The following ZSCAN5A variants were observed in gnomAD, a reference collection of about 807,000 sequenced individuals.
ZSCAN5A encodes the protein zinc finger and SCAN domain-containing protein 5A.
A neutral mutation model predicts 23.7 loss-of-function variants in ZSCAN5A; 12 were observed. The ratio of observed to expected loss-of-function variants is 0.51; its 90% CI spans 0.32 to 0.82. The LOEUF (loss-of-function observed/expected upper bound fraction) is 0.82. Ranked by LOEUF, ZSCAN5A falls within the 40% of genes least tolerant of loss-of-function variation. The probability of loss-of-function intolerance (pLI) is 0.03; values close to 1 mark genes in which losing one functional copy is unlikely to be tolerated. For synonymous variants in ZSCAN5A, 257 were observed against 239.9 expected (o/e 1.07, Z -0.66); for missense variants, 597 against 617.9 (o/e 0.97, Z 0.36).
chr19:56,290,802 C>T (rs2039460424), intron 2 of ZSCAN5A, among the ~76,000 whole-genome samples: 1 of 152,236 alleles, frequency 6.6e-6, no homozygotes, highest in Non-Finnish European at 1.5e-5. Flanking sequence ...CTCTTCTCCA[C>T]ACTGACTCCC....
chr19:56,304,867 T>C, intron 2 of ZSCAN5A: 3 of 888,120 alleles, frequency 3.4e-6, no homozygotes, highest in Non-Finnish European at 4.0e-6. Context: ...TTCCCACCGC[T>C]GGGGTGGGGT....
intron 2 of ZSCAN5A, chr19:56,244,087 C>A: frequency 2.2e-6 from 3 of 1,347,508 alleles, no homozygotes; most frequent in Non-Finnish European, 2.1e-6. Flanking sequence ...GAGGACCCTG[C>A]AACAGCCCTG....
At chr19:56,306,232 G>A (rs936870101) in intron 2 of ZSCAN5A, among the ~76,000 whole-genome samples, 1 of 152,176 alleles carries the variant, frequency 6.6e-6, no homozygotes, top group Non-Finnish European at 1.5e-5. Flanking sequence ...GAGAAAGTAC[G>A]AAAGACAGAT....
At chr19:56,350,563 C>T (rs11671109) in intron 2 of ZSCAN5A, among the ~76,000 whole-genome samples, 11,099 of 152,222 alleles carry the variant, frequency 0.073, 478 homozygotes, top group Middle Eastern at 0.18. Flanking sequence ...TATTCTCTAA[C>T]GGCAGATTAA....
chr19:56,247,492 G>C (rs898242399), intron 2 of ZSCAN5A: 2 of 161,956 alleles, frequency 1.2e-5, no homozygotes, highest in African/African-American at 4.8e-5. Flanking sequence ...AGAATGTGAA[G>C]GATGATTTTT....
At chr19:56,267,874 T>C (rs1406170736) in intron 2 of ZSCAN5A, among the ~76,000 whole-genome samples, 1 of 152,224 alleles carries the variant, frequency 6.6e-6, no homozygotes, top group East Asian at 1.9e-4. Context: ...ACTGTTGCTA[T>C]GACACCTCCA....
chr19:56,315,914 C>T (rs1280748873), upstream of ZSCAN5A: 1 of 152,200 alleles, frequency 6.6e-6, no homozygotes, highest in African/African-American at 2.4e-5. Context: ...CCATTCTTAC[C>T]TTTTCTTTGG....
chr19:56,355,134 T>C (rs1190020442), intron 2 of ZSCAN5A, among the ~76,000 whole-genome samples: 1 of 124,694 alleles, frequency 8.0e-6, no homozygotes, highest in Non-Finnish European at 1.7e-5. Flanking sequence ...TGGGGCATTT[T>C]GTTCCCAATT....
chr19:56,314,697 C>G lies in ZSCAN5A; in HGVS notation c.-246G>C, dbSNP rs2041259933. The stretch of plus-strand genomic sequence containing the variant: ...AGTCGTTACCATGGTGACCGCGACA[C>G]ACTCAGAAACGTCTACTAGTGACGG... On this transcript the variant is annotated 5_prime_UTR_variant, in exon 1 of 6. Coordinates refer to ENST00000683990, the MANE Select transcript of ZSCAN5A (RefSeq NM_001322064.3). 1 of 152,316 alleles carries G rather than the reference C, an allele frequency of 6.6e-6. No homozygotes were observed. The highest frequency in any genetic ancestry group is 2.1e-4 in the South Asian group (1 of 4,840). 9.4% of individuals were successfully genotyped at this position (152,316 alleles called of 1,614,324 possible). A position where few individuals can be genotyped will look rare whatever the true frequency, so the allele number is the denominator to read the frequency against.
chr19:56,322,773 T>TA (rs2041390148), intron 2 of ZSCAN5A, among the ~76,000 whole-genome samples: 1 of 152,200 alleles, frequency 6.6e-6, no homozygotes, highest in Non-Finnish European at 1.5e-5. Flanking sequence ...ACCTAGCACT[T>TA]ACTCCTGTAT....
At chr19:56,320,051 T>G in intron 2 of ZSCAN5A, 1 of 795,764 alleles carries the variant, frequency 1.3e-6, no homozygotes, top group Non-Finnish European at 2.3e-6. Context: ...CTGGTCTGCA[T>G]CAGACTTACA....
chr19:56,361,914 T>G (rs1264544889), intron 2 of ZSCAN5A, among the ~76,000 whole-genome samples: 1 of 151,968 alleles, frequency 6.6e-6, no homozygotes, highest in Non-Finnish European at 1.5e-5. Context: ...TCCCAGCACT[T>G]TGGGAGGCCA....
intron 2 of ZSCAN5A, chr19:56,244,476 G>C (rs375155592): frequency 3.3e-6 from 5 of 1,530,760 alleles, no homozygotes; most frequent in Non-Finnish European, 4.4e-6. Flanking sequence ...TGGGATGGGG[G>C]CTGCACGGTG....
intron 2 of ZSCAN5A, among the ~76,000 whole-genome samples, chr19:56,269,523 G>A (rs1450457786): frequency 6.6e-6 from 1 of 152,110 alleles, no homozygotes; most frequent in South Asian, 2.1e-4. Context: ...CTGACCTTGT[G>A]GGGAGATTAT....
intron 2 of ZSCAN5A, among the ~76,000 whole-genome samples, chr19:56,334,328 C>T (rs957782710): frequency 1.3e-5 from 2 of 152,144 alleles, no homozygotes; most frequent in Non-Finnish European, 2.9e-5. Flanking sequence ...TCACAGACTG[C>T]CTATTTTATC....
chr19:56,346,889 G>A lies in ZSCAN5A; in HGVS notation c.-358+16346C>T, dbSNP rs142134021. On this transcript the variant is annotated intron_variant, in intron 2 of 6. Transcript: ENST00000587340. Reference sequence around the variant, plus strand: ...ACTACAGGCACCTGCTACCATGCCCGGCCAATTTTTTGTATTTTTAGTAGA... The same window carrying A: ...ACTACAGGCACCTGCTACCATGCCCAGCCAATTTTTTGTATTTTTAGTAGA... Among the ~76,000 whole-genome samples the A allele has an allele frequency of 5.8e-3, 876 of 152,038 alleles. 10 individuals are homozygous for A. Among genetic ancestry groups the A allele is most frequent in the African/African-American group, 0.019 (798 of 41,466 alleles).
chr19:56,346,433 C>T (rs953135370), intron 2 of ZSCAN5A, among the ~76,000 whole-genome samples: 2 of 151,518 alleles, frequency 1.3e-5, no homozygotes, highest in Non-Finnish European at 2.9e-5. Context: ...CAAAAAACCT[C>T]ATCTTTCCTG....
At chr19:56,321,617 A>G in intron 2 of ZSCAN5A, 1 of 831,724 alleles carries the variant, frequency 1.2e-6, no homozygotes, top group East Asian at 2.4e-5. Context: ...AGTCAGCACA[A>G]TGGCAAGGTT....
intron 2 of ZSCAN5A, among the ~76,000 whole-genome samples, chr19:56,256,123 G>A (rs551028291): frequency 6.6e-6 from 1 of 152,212 alleles, no homozygotes; most frequent in South Asian, 2.1e-4. Flanking sequence ...TTAAAATACA[G>A]AAAAAAGGAT....
Sources: allele counts gnomAD v4.1 joint callset (sites outside exome capture counted in the v4.1 genomes callset), GRCh38; gene constraint gnomAD v4.1.1; transcripts MANE v1.5; gene names NCBI Gene and HGNC (gene_info 2026-07-23, HGNC 2026-07-21).